The following ATP6V1G1 variants were observed in gnomAD, a reference collection of about 807,000 sequenced individuals.
ATP6V1G1 encodes the protein V-type proton ATPase subunit G 1.
In ATP6V1G1, 14 loss-of-function variants were observed where a neutral mutation model predicts 14.2. That is an observed-to-expected ratio of 0.99 (90% CI 0.65 to 1.55). The LOEUF (loss-of-function observed/expected upper bound fraction) is 1.55. Ranked by LOEUF, ATP6V1G1 falls within the 40% of genes most tolerant of loss-of-function variation. ATP6V1G1 has a pLI of 0.00. For synonymous variants in ATP6V1G1, 65 were observed against 53.3 expected, an observed-to-expected ratio of 1.22 and a Z score of -0.96; for missense variants, 137 against 146.4, an observed-to-expected ratio of 0.94 and a Z score of 0.33.
At chr9:114,590,331 C>G (rs1439819075) in intron 1 of ATP6V1G1, among the ~76,000 whole-genome samples, 3 of 149,474 alleles carry the variant, frequency 2.0e-5, no homozygotes, top group Non-Finnish European at 4.4e-5. Flanking sequence ...ACCATCTTGG[C>G]TCACTGCATC....
rs556510080 is a variant in ATP6V1G1, at chr9:114,597,611, G to T, written c.225G>T (p.Lys75Asn). The T allele has an allele frequency of 6.4e-7, 1 of 1,558,636 alleles. No homozygotes were observed. The highest frequency in any genetic ancestry group is 1.4e-5 in the African/African-American group (1 of 71,820). ...SRGSCSTEVEKETQEKMTILQ... is the reference protein window; with the variant it reads ...SRGSCSTEVENETQEKMTILQ... Reference sequence around the variant, plus strand: ...GCAGTTGCAGCACTGAAGTGGAGAAGGAGACCCAGGAGAAGATGACCATCC... The same window carrying T: ...GCAGTTGCAGCACTGAAGTGGAGAATGAGACCCAGGAGAAGATGACCATCC... The change falls in exon 3 of 3, where the codon AAG becomes AAT. Residue 75 changes from lysine to asparagine, a missense_variant. Coordinates refer to ENST00000374050, the MANE Select transcript of ATP6V1G1 (RefSeq NM_004888.4).
chr9:114,594,174 A>AT (rs778030186), intron 2 of ATP6V1G1, among the ~76,000 whole-genome samples: 37 of 150,016 alleles, frequency 2.5e-4, no homozygotes, highest in Non-Finnish European at 4.7e-4. Flanking sequence ...GGTTCTAGCG[A>AT]TTCTTCCACC....
chr9:114,591,447 T>C, intron 1 of ATP6V1G1, among the ~76,000 whole-genome samples: 1 of 152,202 alleles, frequency 6.6e-6, no homozygotes, highest in East Asian at 1.9e-4. Context: ...CCATTATAGC[T>C]GATGGGAAGA....
chr9:114,596,552 C>T (rs1423881378), intron 2 of ATP6V1G1, among the ~76,000 whole-genome samples: 1 of 152,162 alleles, frequency 6.6e-6, no homozygotes, highest in Admixed American at 6.5e-5. Flanking sequence ...GGTGAATCCA[C>T]TGTTGAACTT....
intron 1 of ATP6V1G1, among the ~76,000 whole-genome samples, chr9:114,590,867 C>T (rs1845176174): frequency 6.6e-6 from 1 of 152,124 alleles, no homozygotes; most frequent in African/African-American, 2.4e-5. Context: ...GTGATCTCGG[C>T]TCACTACAAT....
intron 2 of ATP6V1G1, among the ~76,000 whole-genome samples, chr9:114,593,570 A>C (rs963445616): frequency 6.6e-6 from 1 of 152,184 alleles, no homozygotes; most frequent in Non-Finnish European, 1.5e-5. Context: ...ATCATAGCTC[A>C]CGGTGACCTG....
chr9:114,592,628 A>C lies in ATP6V1G1; in HGVS notation c.159A>C (p.Lys53Asn). The C allele has an allele frequency of 6.3e-7, 1 of 1,578,282 alleles. No homozygotes were observed. The highest frequency in any genetic ancestry group is 1.3e-5 in the African/African-American group (1 of 74,356). The change falls in exon 2 of 3, where the codon AAA becomes AAC. Residue 53 changes from lysine (K) to asparagine (N), a missense_variant. Lys to Asn is a moderately conservative substitution (Grantham distance 94). Coordinates refer to ENST00000374050, the MANE Select transcript of ATP6V1G1 (RefSeq NM_004888.4). ...AACAGTACCGCCTGCAGAGGGAGAA[A>C]GAATTCAAGGCCAAGGAAGCTGCGG... ...EIEQYRLQRE[K>N]EFKAKEAAAL...
chr9:114,597,959 A>T lies in ATP6V1G1; in HGVS notation c.*216A>T. 2.8e-6 allele frequency: 1 copy of T among 363,374 alleles called. No homozygotes were observed. Among genetic ancestry groups the T allele is most frequent in the East Asian group, 4.7e-5 (1 of 21,232 alleles). The allele number at this position is 363,374 out of a possible 1,614,324, so 22.5% of individuals were successfully genotyped here. A position where few individuals can be genotyped will look rare whatever the true frequency, so the allele number is the denominator to read the frequency against. On this transcript the variant is annotated 3_prime_UTR_variant, in exon 3 of 3. Coordinates refer to ENST00000374050, the MANE Select transcript of ATP6V1G1 (RefSeq NM_004888.4). Reference sequence around the variant, plus strand: ...TTCATCTTTTTACCTCATATTTCTTAGGAATTTAATGGTTATATGTTGTCT... The same window carrying T: ...TTCATCTTTTTACCTCATATTTCTTTGGAATTTAATGGTTATATGTTGTCT...
chr9:114,591,145 T>C (rs1845178580), intron 1 of ATP6V1G1, among the ~76,000 whole-genome samples: 1 of 152,120 alleles, frequency 6.6e-6, no homozygotes, highest in Admixed American at 6.6e-5. Context: ...TTCATTGGAG[T>C]GAAACAAAAC....
At chr9:114,590,345 C>T (rs561389731) in intron 1 of ATP6V1G1, among the ~76,000 whole-genome samples, 2 of 151,470 alleles carry the variant, frequency 1.3e-5, no homozygotes, top group East Asian at 3.9e-4. Flanking sequence ...CTGCATCCTC[C>T]ACCTCCAGAG....
intron 2 of ATP6V1G1, among the ~76,000 whole-genome samples, chr9:114,595,782 G>A (rs1845231403): frequency 6.6e-6 from 1 of 151,634 alleles, no homozygotes; most frequent in East Asian, 1.9e-4. Flanking sequence ...CATCTCTTCG[G>A]GAAAAAAAAA....
chr9:114,595,025 GT>G (rs76024528), intron 2 of ATP6V1G1, among the ~76,000 whole-genome samples: 96 of 138,128 alleles, frequency 7.0e-4, no homozygotes, highest in African/African-American at 8.2e-4. Flanking sequence ...ACGCCTGGCA[GT>G]TTTTTTTTTT....
intron 2 of ATP6V1G1, among the ~76,000 whole-genome samples, chr9:114,594,475 C>G (rs1292845243): frequency 6.6e-6 from 1 of 151,978 alleles, no homozygotes; most frequent in Non-Finnish European, 1.5e-5. Flanking sequence ...CCTCCACCTC[C>G]CAGGTTCAAA....
At chr9:114,596,018 A>G (rs1845233981) in intron 2 of ATP6V1G1, among the ~76,000 whole-genome samples, 1 of 152,184 alleles carries the variant, frequency 6.6e-6, no homozygotes, top group African/African-American at 2.4e-5. Context: ...AGCAGTTAAC[A>G]AAAAGCTGGC....
At chr9:114,597,526 C>A in intron 2 of ATP6V1G1, 44 bp from the exon 3 acceptor site, 1 of 1,425,428 alleles carries the variant, frequency 7.0e-7, no homozygotes, top group Non-Finnish European at 9.2e-7. Context: ...CCAACCAGAG[C>A]ATTGTTCTGA....
chr9:114,598,869 C>G lies in ATP6V1G1; in HGVS notation c.*1126C>G, dbSNP rs1210709483. Among the ~76,000 whole-genome samples, 1 of 152,026 alleles carries G rather than the reference C, an allele frequency of 6.6e-6. No individual in the cohort carries two copies. The highest frequency in any genetic ancestry group is 1.5e-5 in the Non-Finnish European group (1 of 68,016). On this transcript the variant is annotated 3_prime_UTR_variant, in exon 3 of 3. Transcript: ENST00000374050. The stretch of plus-strand genomic sequence containing the variant: ...ATACAACTAGATGACCTTAAAAACC[C>G]TCATATTTAATATGACTCAGGATTT...
Position 114,588,166 on chromosome 9 carries a change from G to A in ATP6V1G1, c.82+246G>A, listed in dbSNP as rs187169366. 75 of 548,470 alleles carry A rather than the reference G, an allele frequency of 1.4e-4. No homozygotes were observed. In the East Asian group the frequency reaches 2.2e-3, roughly 16 times the overall value. 34.0% of individuals were successfully genotyped at this position (548,470 alleles called of 1,614,324 possible). A position where few individuals can be genotyped will look rare whatever the true frequency, so the allele number is the denominator to read the frequency against. On this transcript the variant is annotated intron_variant, in intron 1 of 2. Transcript: ENST00000374050. ...AATGGGTTACCGTCCTTGGGGCCTG[G>A]AGGCATGTGAAATGGGCTCTCCAAA...
In ATP6V1G1 at chr9:114,587,855, A is replaced by G; in HGVS notation, c.17A>G (p.Gln6Arg). The G allele has an allele frequency of 6.3e-7, 1 of 1,593,668 alleles. No individual in the cohort carries two copies. MASQS[Q>R]GIQQLLQAEK... Reference sequence around the variant, plus strand: ...GCTGCCGCCATGGCTAGTCAGTCTCAGGGGATTCAGCAGCTGCTGCAGGCC... The same window carrying G: ...GCTGCCGCCATGGCTAGTCAGTCTCGGGGGATTCAGCAGCTGCTGCAGGCC... The change falls in exon 1 of 3, where the codon CAG becomes CGG. Residue 6 changes from glutamine to arginine, a missense_variant. Coordinates refer to ENST00000374050, the MANE Select transcript of ATP6V1G1 (RefSeq NM_004888.4).
At chr9:114,595,091 C>T (rs910815374) in intron 2 of ATP6V1G1, among the ~76,000 whole-genome samples, 1 of 150,684 alleles carries the variant, frequency 6.6e-6, no homozygotes, top group African/African-American at 2.4e-5. Flanking sequence ...TGGTCTTGAA[C>T]TCCTGACCTC....
Sources: gnomAD v4.1 joint callset for allele counts (sites outside exome capture counted in the v4.1 genomes callset) on GRCh38, gnomAD v4.1.1 for gene constraint, MANE v1.5 for transcripts, NCBI Gene and HGNC (gene_info 2026-07-23, HGNC 2026-07-21) for gene names.